The following FGGY variants were observed in gnomAD, a reference collection of about 807,000 sequenced individuals.
The protein encoded by FGGY is FGGY carbohydrate kinase domain containing, also known as FGGY carbohydrate kinase domain-containing protein.
FGGY carries 72 observed loss-of-function variants against 71.3 expected under a neutral mutation model. The observed-to-expected ratio is 1.01, with a 90% CI of 0.84 to 1.23. The LOEUF is 1.23. Among genes scored for constraint, FGGY ranks in the 50% most tolerant of loss-of-function variants. FGGY has a pLI of 0.00. For synonymous variants in FGGY, 251 were observed against 250.3 expected, an observed-to-expected ratio of 1.00 and a Z score of -0.02; for missense variants, 668 against 682.3, an observed-to-expected ratio of 0.98 and a Z score of 0.23.
chr1:59,464,330 A>C (rs567133816), intron 6 of FGGY, among the ~76,000 whole-genome samples: 3 of 152,234 alleles, frequency 2.0e-5, no homozygotes, highest in Non-Finnish European at 2.9e-5. Flanking sequence ...GAACAAAGAC[A>C]CAACGTACCA....
At chr1:59,515,348 G>A (rs1472061593) in intron 7 of FGGY, among the ~76,000 whole-genome samples, 1 of 151,812 alleles carries the variant, frequency 6.6e-6, no homozygotes, top group Non-Finnish European at 1.5e-5. Flanking sequence ...TAACTGACTT[G>A]TTTTTTATTT....
At chr1:59,519,482 A>G (rs950892325) in intron 7 of FGGY, among the ~76,000 whole-genome samples, 1 of 152,248 alleles carries the variant, frequency 6.6e-6, no homozygotes. Context: ...CAATTATTAA[A>G]GGATTCCTAG....
chr1:59,346,285 C>T lies in FGGY; in HGVS notation c.352C>T (p.Arg118Ter), dbSNP rs201809264. Reference protein sequence around the residue: ...HRNVIMWLDHRAVSQVNRINE... With the variant: ...HRNVIMWLDH ...AAACGTCATCATGTGGCTGGACCAT[C>T]GAGCAGTCAGTCAAGTTAACAGGAT... The change falls in exon 4 of 16, where the codon CGA becomes TGA. Residue 118 changes from arginine (R) to a stop codon, truncating the protein, a stop_gained. Coordinates refer to ENST00000303721, the MANE Select transcript of FGGY (RefSeq NM_018291.5). LOFTEE classifies it high-confidence loss of function. 1.6e-5 allele frequency: 25 copies of T among 1,612,734 alleles called. No homozygotes were observed. The highest frequency in any genetic ancestry group is 4.5e-5 in the East Asian group (2 of 44,866).
intron 7 of FGGY, among the ~76,000 whole-genome samples, chr1:59,518,410 TA>T (rs2094723599): frequency 6.6e-6 from 1 of 152,230 alleles, no homozygotes; most frequent in African/African-American, 2.4e-5. Flanking sequence ...GCATGATGGA[TA>T]AAGAAATATA....
At chr1:59,356,134 C>T (rs1419529330) in intron 4 of FGGY, among the ~76,000 whole-genome samples, 1 of 152,114 alleles carries the variant, frequency 6.6e-6, no homozygotes, top group East Asian at 1.9e-4. Context: ...GCAGTCCTCA[C>T]CCAGCCTGCT....
intron 5 of FGGY, among the ~76,000 whole-genome samples, chr1:59,390,136 C>T (rs1476784475): frequency 2.0e-5 from 3 of 152,076 alleles, no homozygotes; most frequent in Non-Finnish European, 4.4e-5. Context: ...TTTAATAGTG[C>T]TGAGAAATAA....
chr1:59,305,284 C>T (rs1041353618), intron 1 of FGGY, among the ~76,000 whole-genome samples: 1 of 152,074 alleles, frequency 6.6e-6, no homozygotes, highest in Non-Finnish European at 1.5e-5. Context: ...TGAATTTTGT[C>T]AAATGCTTTT....
intron 14 of FGGY, among the ~76,000 whole-genome samples, chr1:59,715,130 A>G (rs1185172897): frequency 2.0e-5 from 3 of 152,198 alleles, no homozygotes; most frequent in South Asian, 4.1e-4. Flanking sequence ...GGGTTTGTTA[A>G]GAGTCAGGGC....
Position 59,597,526 on chromosome 1 carries a change from A to G in FGGY, c.904-10277A>G, listed in dbSNP as rs998457. On this transcript the variant is annotated intron_variant, in intron 8 of 15. Coordinates refer to ENST00000303721, the MANE Select transcript of FGGY (RefSeq NM_018291.5). ...TCTTTTAAAAAAAAGTTAAACCCCCACATGAGCTCCAATCCATAAATAAGA... is the reference window on the plus strand; with the variant it reads ...TCTTTTAAAAAAAAGTTAAACCCCCGCATGAGCTCCAATCCATAAATAAGA... Among the ~76,000 whole-genome samples, 525 of 152,264 alleles carry G rather than the reference A, an allele frequency of 3.4e-3. 6 individuals are homozygous for G. Among genetic ancestry groups the G allele is most frequent in the African/African-American group, 0.012 (494 of 41,542 alleles).
At chr1:59,307,685 C>A (rs1311097724) in intron 1 of FGGY, among the ~76,000 whole-genome samples, 1 of 152,110 alleles carries the variant, frequency 6.6e-6, no homozygotes, top group Non-Finnish European at 1.5e-5. Context: ...ATAAGTAAGT[C>A]TAAAAAGCAT....
At chr1:59,636,782 A>C (rs2096964656) in intron 10 of FGGY, among the ~76,000 whole-genome samples, 1 of 152,210 alleles carries the variant, frequency 6.6e-6, no homozygotes, top group African/African-American at 2.4e-5. Context: ...GGGATCACTC[A>C]CCCAATCACA....
At chr1:59,363,165 CTA>C (rs2055928396) in intron 4 of FGGY, among the ~76,000 whole-genome samples, 1 of 152,150 alleles carries the variant, frequency 6.6e-6, no homozygotes. Flanking sequence ...TTGAATTCGG[CTA>C]ACAATCCTAT....
chr1:59,483,540 T>C (rs2093567755), intron 6 of FGGY, among the ~76,000 whole-genome samples: 1 of 152,190 alleles, frequency 6.6e-6, no homozygotes, highest in African/African-American at 2.4e-5. Context: ...TCTACTGTGG[T>C]CTTAAGTCAT....
chr1:59,488,177 AT>A (rs1191738416), intron 6 of FGGY, among the ~76,000 whole-genome samples: 17 of 152,156 alleles, frequency 1.1e-4, no homozygotes, highest in Admixed American at 5.2e-4. Flanking sequence ...CTGTAATGAT[AT>A]TTTTAAGCCT....
At position 59,585,844 on chromosome 1, in the gene FGGY, T is replaced by C. The variant is rs904505888; in HGVS notation, c.904-21959T>C. ...TGCAAGAAAAAAACCCCATCAACAATTGGGTGAAGGATATGAACAGACACT... is the reference window on the plus strand; with the variant it reads ...TGCAAGAAAAAAACCCCATCAACAACTGGGTGAAGGATATGAACAGACACT... On this transcript the variant is annotated intron_variant, in intron 8 of 15. Transcript: ENST00000303721. 8.5e-5 allele frequency among the ~76,000 whole-genome samples: 13 copies of C among 152,114 alleles called. No individual in the cohort carries two copies. The South Asian group carries it at 1.0e-3, about 12-fold the overall frequency.
chr1:59,318,902 C>A (rs2045918175), intron 1 of FGGY, among the ~76,000 whole-genome samples: 1 of 152,188 alleles, frequency 6.6e-6, no homozygotes, highest in African/African-American at 2.4e-5. Flanking sequence ...AGAGGGGATT[C>A]CAAGTAAAGT....
In FGGY at chr1:59,592,500, G is replaced by T. The variant is rs1423345503; in HGVS notation, c.904-15303G>T. 2.0e-5 allele frequency among the ~76,000 whole-genome samples: 3 copies of T among 152,220 alleles called. No homozygotes were observed. In the South Asian group the frequency reaches 6.2e-4, roughly 32 times the overall value. ...CACATGCACACATATGTTTATTGCT[G>T]CACTATTCACAATAGCAAAGACTTG... is the stretch of plus-strand genomic sequence containing the variant. On this transcript the variant is annotated intron_variant, in intron 8 of 15. Coordinates refer to ENST00000303721, the MANE Select transcript of FGGY (RefSeq NM_018291.5).
chr1:59,683,156 C>G (rs1485185247), intron 14 of FGGY, among the ~76,000 whole-genome samples: 1 of 152,212 alleles, frequency 6.6e-6, no homozygotes, highest in Non-Finnish European at 1.5e-5. Flanking sequence ...GAGCCTGGCA[C>G]TGTGCTAAGG....
At chr1:59,490,376 C>T (rs2093791542) in intron 6 of FGGY, among the ~76,000 whole-genome samples, 1 of 152,018 alleles carries the variant, frequency 6.6e-6, no homozygotes, top group Non-Finnish European at 1.5e-5. Flanking sequence ...TTGTTTTTTT[C>T]CTGTACCAAT....
Sources: allele counts gnomAD v4.1 joint callset (sites outside exome capture counted in the v4.1 genomes callset), GRCh38; gene constraint gnomAD v4.1.1; transcripts MANE v1.5; gene names NCBI Gene and HGNC (gene_info 2026-07-23, HGNC 2026-07-21).